Variants in SEMA3A observed in about 807,000 individuals in gnomAD.
SEMA3A encodes the protein semaphorin 3A, also known as semaphorin-3A.
Under a neutral mutation model 97.9 loss-of-function variants are expected in SEMA3A, and 29 were observed. That is an observed-to-expected ratio of 0.30 (90% CI 0.22 to 0.40). SEMA3A has a LOEUF of 0.40. Ranked by LOEUF, SEMA3A falls within the 10% of genes least tolerant of loss-of-function variation. The probability of loss-of-function intolerance (pLI) is 1.00; values close to 1 mark genes in which losing one functional copy is unlikely to be tolerated. For synonymous variants in SEMA3A, 321 were observed against 323.7 expected (o/e 0.99, Z 0.09); for missense variants, 763 against 951.3 (o/e 0.80, Z 2.60).
chr7:84,202,207 AAG>A (rs1399452799), intron 3 of SEMA3A, among the ~76,000 whole-genome samples: 1 of 152,172 alleles, frequency 6.6e-6, no homozygotes, highest in African/African-American at 2.4e-5. Flanking sequence ...GAAAAATGCT[AAG>A]AGAGTGAATG....
intron 6 of SEMA3A, among the ~76,000 whole-genome samples, chr7:84,033,367 A>G (rs1791825965): frequency 1.3e-5 from 2 of 152,198 alleles, no homozygotes; most frequent in Non-Finnish European, 2.9e-5. Context: ...TTAATCTGAC[A>G]CTGTCTCAGT....
At chr7:84,293,208 C>T (rs1461937780) in intron 3 of SEMA3A, among the ~76,000 whole-genome samples, 2 of 152,058 alleles carry the variant, frequency 1.3e-5, no homozygotes, top group South Asian at 2.1e-4. Flanking sequence ...CCAACCATTG[C>T]TGTGACGCAT....
chr7:84,379,240 T>A (rs1224351938), intron 1 of SEMA3A, among the ~76,000 whole-genome samples: 1 of 152,134 alleles, frequency 6.6e-6, no homozygotes, highest in Admixed American at 6.5e-5. Flanking sequence ...ACAATATTTT[T>A]AATTATTTAT....
chr7:84,352,103 T>C (rs1802452012), intron 2 of SEMA3A, among the ~76,000 whole-genome samples: 2 of 151,346 alleles, frequency 1.3e-5, no homozygotes, highest in Non-Finnish European at 2.9e-5. Flanking sequence ...GGAGGACCTT[T>C]TGTTAAGTGA....
intron 6 of SEMA3A, among the ~76,000 whole-genome samples, chr7:84,016,427 A>G (rs960611514): frequency 6.6e-6 from 1 of 151,814 alleles, no homozygotes; most frequent in African/African-American, 2.4e-5. Context: ...AGTCCCAGCT[A>G]CTTGGGAGGC....
chr7:84,473,148 G>GTGTGTGTA (rs935215893), intron 1 of SEMA3A, among the ~76,000 whole-genome samples: 1 of 150,674 alleles, frequency 6.6e-6, no homozygotes, highest in Admixed American at 6.6e-5. Context: ...AATGGTGTGT[G>GTGTGTGTA]TGTGTGTGTG....
chr7:84,311,058 C>T (rs780429056), intron 2 of SEMA3A, among the ~76,000 whole-genome samples: 6 of 151,216 alleles, frequency 4.0e-5, no homozygotes, highest in Non-Finnish European at 5.9e-5. Flanking sequence ...ATTGAATGTA[C>T]ACTAAAATCA....
At chr7:84,470,284 A>G (rs1480515001) in intron 1 of SEMA3A, among the ~76,000 whole-genome samples, 2 of 152,114 alleles carry the variant, frequency 1.3e-5, no homozygotes, top group Non-Finnish European at 2.9e-5. Context: ...CCTTCAAAAC[A>G]ATATTCTTAA....
chr7:84,088,938 G>A (rs1012194935), intron 4 of SEMA3A, among the ~76,000 whole-genome samples: 4 of 151,482 alleles, frequency 2.6e-5, no homozygotes, highest in Non-Finnish European at 5.9e-5. Flanking sequence ...ATTTTAAACA[G>A]TGAGGGAGGG....
intron 3 of SEMA3A, among the ~76,000 whole-genome samples, chr7:84,273,270 A>G (rs762561342): frequency 1.3e-5 from 2 of 152,088 alleles, no homozygotes; most frequent in Non-Finnish European, 2.9e-5. Flanking sequence ...ACATGCTAGG[A>G]ATAGAAATAT....
In SEMA3A at chr7:83,980,639, TACAC is replaced by T. The variant is rs68037473; in HGVS notation, c.1652+678_1652+681del. Among the ~76,000 whole-genome samples the T allele has an allele frequency of 7.1e-3, 631 of 88,416 alleles. 14 individuals are homozygous for T. Among genetic ancestry groups the T allele is most frequent in the African/African-American group, 0.015 (329 of 21,830 alleles). 58.0% of individuals were successfully genotyped at this position (88,416 alleles called of 152,430 possible). ...AAAAAAAAAAATATATATATATATA[TACAC>T]ACACACACACATATACATATATACA... On this transcript the variant is annotated intron_variant, in intron 14 of 16. Transcript: ENST00000265362.
intron 4 of SEMA3A, among the ~76,000 whole-genome samples, chr7:84,095,358 CATATAT>C (rs200107086): frequency 0.013 from 1,579 of 122,880 alleles, 77 homozygotes; most frequent in Admixed American, 0.076. Flanking sequence ...TTTTTATATA[CATATAT>C]ATATATATAT....
intron 1 of SEMA3A, among the ~76,000 whole-genome samples, chr7:84,180,580 T>G (rs1797710497): frequency 1.3e-5 from 2 of 151,874 alleles, no homozygotes; most frequent in South Asian, 4.2e-4. Flanking sequence ...CCCAGCTACT[T>G]GGGAGGCTGA....
At chr7:84,465,388 C>T (rs536999702) in intron 1 of SEMA3A, among the ~76,000 whole-genome samples, 1 of 152,166 alleles carries the variant, frequency 6.6e-6, no homozygotes, top group Admixed American at 6.5e-5. Context: ...ACATTGAAAA[C>T]CAACTGCTAA....
intron 5 of SEMA3A, among the ~76,000 whole-genome samples, chr7:84,050,719 T>G (rs1489841208): frequency 6.6e-6 from 1 of 152,226 alleles, no homozygotes; most frequent in East Asian, 1.9e-4. Context: ...TTTAATTAGA[T>G]CCCATTTGTT....
chr7:84,212,768 C>T (rs77758652), intron 3 of SEMA3A, among the ~76,000 whole-genome samples: 64 of 152,190 alleles, frequency 4.2e-4, no homozygotes, highest in African/African-American at 1.5e-3. Flanking sequence ...TAGTTGGTAG[C>T]TGGAGTATAT....
intron 4 of SEMA3A, among the ~76,000 whole-genome samples, chr7:84,101,034 C>T (rs17232705): frequency 0.44 from 66,135 of 152,030 alleles, 15,543 homozygotes; most frequent in Admixed American, 0.53. Flanking sequence ...AATGCTGAGA[C>T]TGAACACAAG....
chr7:84,482,560 A>G (rs1806473633), intron 1 of SEMA3A, among the ~76,000 whole-genome samples: 1 of 152,164 alleles, frequency 6.6e-6, no homozygotes, highest in Admixed American at 6.6e-5. Flanking sequence ...AACACTGATG[A>G]TCATAGTTGC....
chr7:84,001,458 T>TA (rs1790448207), intron 12 of SEMA3A, among the ~76,000 whole-genome samples: 1 of 152,130 alleles, frequency 6.6e-6, no homozygotes. Context: ...CTGTCAGTGA[T>TA]ACAAACCTCT....
Sources: allele counts gnomAD v4.1 joint callset (sites outside exome capture counted in the v4.1 genomes callset), GRCh38; gene constraint gnomAD v4.1.1; transcripts MANE v1.5; gene names NCBI Gene and HGNC (gene_info 2026-07-23, HGNC 2026-07-21).